The following SAXO1 variants were observed in gnomAD, a reference collection of about 807,000 sequenced individuals.
SAXO1 encodes the protein stabilizer of axonemal microtubules 1.
Under a neutral mutation model 17.5 loss-of-function variants are expected in SAXO1, and 21 were observed. That is an observed-to-expected ratio of 1.20 (90% CI 0.85 to 1.72). The LOEUF (loss-of-function observed/expected upper bound fraction) is 1.72. Ranked by LOEUF, SAXO1 falls within the 40% of genes most tolerant of loss-of-function variation. SAXO1 has a pLI of 0.00. For missense variants in SAXO1, 843 were observed against 596.0 expected (o/e 1.41, Z -4.32); for synonymous variants, 274 against 216.5 (o/e 1.27, Z -2.33).
At chr9:18,990,909 T>C (rs1231894574) in intron 1 of SAXO1, among the ~76,000 whole-genome samples, 1 of 152,204 alleles carries the variant, frequency 6.6e-6, no homozygotes, top group East Asian at 1.9e-4. Flanking sequence ...CCATTGATTC[T>C]ACATTACAGT....
chr9:18,988,483 T>A (rs1192925178), intron 1 of SAXO1, among the ~76,000 whole-genome samples: 6 of 152,246 alleles, frequency 3.9e-5, no homozygotes, highest in Non-Finnish European at 2.9e-5. Context: ...GTATGTATTA[T>A]GTTAAGCTAT....
chr9:18,999,403 G>A (rs1263337448), intron 1 of SAXO1, among the ~76,000 whole-genome samples: 6 of 152,116 alleles, frequency 3.9e-5, no homozygotes, highest in East Asian at 3.9e-4. Context: ...GAGCACCTCC[G>A]CCCAGCCGCC....
intron 1 of SAXO1, chr9:19,027,895 C>A: frequency 7.3e-7 from 1 of 1,368,092 alleles, no homozygotes; most frequent in Non-Finnish European, 1.0e-6. Flanking sequence ...AGATCGAGTG[C>A]CTGGGCCAGA....
At chr9:19,002,365 A>G (rs1266188120) in intron 1 of SAXO1, among the ~76,000 whole-genome samples, 1 of 152,222 alleles carries the variant, frequency 6.6e-6, no homozygotes, top group Non-Finnish European at 1.5e-5. Context: ...AACAACAGAA[A>G]AAGAGGGACT....
At chr9:19,001,191 T>C (rs1312526008) in intron 1 of SAXO1, among the ~76,000 whole-genome samples, 2 of 152,194 alleles carry the variant, frequency 1.3e-5, no homozygotes, top group African/African-American at 4.8e-5. Flanking sequence ...TAGTTGGAAG[T>C]AAAGCACTCC....
At chr9:18,993,892 C>T (rs1253997974) in intron 1 of SAXO1, among the ~76,000 whole-genome samples, 2 of 152,142 alleles carry the variant, frequency 1.3e-5, no homozygotes, top group African/African-American at 4.8e-5. Flanking sequence ...AGAATCCTAA[C>T]CCCCAACTCA....
intron 1 of SAXO1, among the ~76,000 whole-genome samples, chr9:19,029,448 C>T (rs546923695): frequency 2.2e-4 from 33 of 152,284 alleles, no homozygotes; most frequent in Admixed American, 9.8e-4. Context: ...TGCTTGTCTT[C>T]CAGATTTCCC....
At chr9:18,968,046 C>A (rs1433646919) in intron 1 of SAXO1, among the ~76,000 whole-genome samples, 1 of 152,214 alleles carries the variant, frequency 6.6e-6, no homozygotes, top group African/African-American at 2.4e-5. Flanking sequence ...GACGCCCCAC[C>A]CTGCTTCTGC....
intron 1 of SAXO1, among the ~76,000 whole-genome samples, chr9:18,966,488 T>C (rs1053010492): frequency 6.6e-6 from 1 of 152,210 alleles, no homozygotes; most frequent in East Asian, 1.9e-4. Flanking sequence ...TTTCATTAAG[T>C]TGATCTTCAA....
intron 1 of SAXO1, chr9:19,027,653 C>G: frequency 7.2e-7 from 1 of 1,381,966 alleles, no homozygotes; most frequent in South Asian, 1.2e-5. Context: ...TGCCTTCGCC[C>G]TGGCCAAGGA....
At chr9:18,935,940 G>C (rs73427236) in intron 3 of SAXO1, among the ~76,000 whole-genome samples, 5,462 of 152,272 alleles carry the variant, frequency 0.036, 332 homozygotes, top group African/African-American at 0.12. Context: ...GGGATGGGGT[G>C]ATGGAAGCAG....
Position 18,965,452 on chromosome 9 carries a change from T to C in SAXO1, c.39-14515A>G, listed in dbSNP as rs189229097. Among the ~76,000 whole-genome samples the C allele has an allele frequency of 5.2e-3, 790 of 152,364 alleles. 4 individuals carry two copies. The highest frequency in any genetic ancestry group is 8.6e-3 in the Non-Finnish European group (584 of 68,038). Reference sequence around the variant, plus strand: ...GGTGCTCCTGTATTGGGTGCATATATATTTAGGATAGTTAGCTCTTCTTGT... The same window carrying C: ...GGTGCTCCTGTATTGGGTGCATATACATTTAGGATAGTTAGCTCTTCTTGT... On this transcript the variant is annotated intron_variant, in intron 1 of 3. Transcript: ENST00000380534.
chr9:18,956,242 G>T (rs1832255513), intron 1 of SAXO1, among the ~76,000 whole-genome samples: 1 of 151,186 alleles, frequency 6.6e-6, no homozygotes, highest in Non-Finnish European at 1.5e-5. Context: ...TAAGCACCAT[G>T]ACCAGCATCA....
At chr9:18,944,977 T>C (rs1311010858) in intron 2 of SAXO1, among the ~76,000 whole-genome samples, 2 of 152,186 alleles carry the variant, frequency 1.3e-5, no homozygotes, top group South Asian at 2.1e-4. Context: ...AGCCAACCTC[T>C]CTCACCCCTG....
chr9:19,028,098 G>C, intron 1 of SAXO1: 1 of 1,611,968 alleles, frequency 6.2e-7, no homozygotes. Flanking sequence ...TGGAGGTCCA[G>C]GCCAAGAAGA....
At chr9:18,962,505 G>A (rs1016246041) in intron 1 of SAXO1, among the ~76,000 whole-genome samples, 1 of 152,208 alleles carries the variant, frequency 6.6e-6, no homozygotes, top group Non-Finnish European at 1.5e-5. Flanking sequence ...ATTTGTTTAA[G>A]TTCCTTGTAG....
chr9:18,980,825 G>C (rs1208184032), intron 1 of SAXO1, among the ~76,000 whole-genome samples: 1 of 123,414 alleles, frequency 8.1e-6, no homozygotes, highest in Non-Finnish European at 1.7e-5. Context: ...AAGGGTATAA[G>C]GAAAATAAAA....
At chr9:19,017,047 G>T (rs936172873) in intron 1 of SAXO1, among the ~76,000 whole-genome samples, 2 of 152,080 alleles carry the variant, frequency 1.3e-5, no homozygotes, top group African/African-American at 4.8e-5. Context: ...GGTGGCTCAT[G>T]CCTGTACTCC....
At chr9:18,934,582 T>C (rs1398781512) in intron 3 of SAXO1, among the ~76,000 whole-genome samples, 1 of 152,242 alleles carries the variant, frequency 6.6e-6, no homozygotes, top group Non-Finnish European at 1.5e-5. Context: ...TTTCTTTAAA[T>C]ATGCTTTCCT....
Sources: allele counts gnomAD v4.1 joint callset (sites outside exome capture counted in the v4.1 genomes callset), GRCh38; gene constraint gnomAD v4.1.1; transcripts MANE v1.5; gene names NCBI Gene and HGNC (gene_info 2026-07-23, HGNC 2026-07-21).